Variants in CEP126 observed in about 807,000 individuals in gnomAD.
CEP126 encodes centrosomal protein 126.
Under a neutral mutation model 107.8 loss-of-function variants are expected in CEP126, and 74 were observed. The ratio of observed to expected loss-of-function variants is 0.69; its 90% CI spans 0.57 to 0.83. CEP126 has a LOEUF of 0.83. Ranked by LOEUF, CEP126 falls within the 40% of genes least tolerant of loss-of-function variation. CEP126 has a pLI of 0.00. For missense variants in CEP126, 1,237 were observed against 1,281.9 expected, an observed-to-expected ratio of 0.96 and a Z score of 0.53; for synonymous variants, 449 against 446.0, an observed-to-expected ratio of 1.01 and a Z score of -0.08.
intron 3 of CEP126, among the ~76,000 whole-genome samples, chr11:101,947,307 T>C (rs1358764499): frequency 7.9e-5 from 12 of 152,160 alleles, no homozygotes; most frequent in Admixed American, 7.2e-4. Flanking sequence ...GTATAGATAG[T>C]ATAGTATATT....
chr11:101,995,529 G>C (rs554142202), intron 10 of CEP126, among the ~76,000 whole-genome samples: 1 of 152,316 alleles, frequency 6.6e-6, no homozygotes, highest in African/African-American at 2.4e-5. Context: ...TGACAAACAA[G>C]AAAGTCACCT....
In CEP126 at chr11:101,963,067, A is replaced by G. The variant is rs1372873010; in HGVS notation, c.2032A>G (p.Thr678Ala). ...TGGAAGCAACATAATTAGTGTTTCT[A>G]CTTGTGCTGTAAATTCTGCTGATAC... ...GAGSNIISVS[T>A]CAVNSADTKK... Residue 678 changes from threonine to alanine, a missense_variant, in exon 6 of 11, where the codon ACT becomes GCT. Thr to Ala is a moderately conservative substitution (Grantham distance 58). This residue lies in a region of CEP126 where 1,134 missense variants were observed against 1,150.5 expected (regional missense o/e 0.99). Coordinates refer to ENST00000263468, the MANE Select transcript of CEP126 (RefSeq NM_020802.4). 6.2e-7 allele frequency: 1 copy of G among 1,614,132 alleles called. No homozygotes were observed. Among genetic ancestry groups the G allele is most frequent in the East Asian group, 2.2e-5 (1 of 44,864 alleles).
chr11:101,943,400 T>TA (rs1260434945), intron 2 of CEP126, among the ~76,000 whole-genome samples: 1 of 152,052 alleles, frequency 6.6e-6, no homozygotes, highest in African/African-American at 2.4e-5. Flanking sequence ...CCTATGGCAC[T>TA]AAAAATTCTA....
chr11:101,916,551 C>T (rs563531977), intron 1 of CEP126: 1 of 152,322 alleles, frequency 6.6e-6, no homozygotes, highest in Admixed American at 6.5e-5. Flanking sequence ...TTCAGTTTGG[C>T]TTTTGCCCTT....
chr11:101,924,074 A>G (rs1940371715), intron 2 of CEP126, among the ~76,000 whole-genome samples: 1 of 152,164 alleles, frequency 6.6e-6, no homozygotes, highest in South Asian at 2.1e-4. Flanking sequence ...TTCTATTTGT[A>G]TTCTCTCATC....
chr11:101,946,840 C>T lies in CEP126; in HGVS notation c.395-1191C>T, dbSNP rs549880361. ...TCGCACCACTGCACTCCAGCCTGAG[C>T]GACAGAGCAAGACTCTCAAAAAAAA... On this transcript the variant is annotated intron_variant, in intron 3 of 10. Coordinates refer to ENST00000263468, the MANE Select transcript of CEP126 (RefSeq NM_020802.4). Among the ~76,000 whole-genome samples the T allele has an allele frequency of 7.2e-5, 11 of 151,952 alleles. No individual in the cohort carries two copies. The South Asian group carries it at 8.3e-4, about 11-fold the overall frequency.
At chr11:101,970,999 A>G (rs952962655) in intron 6 of CEP126, among the ~76,000 whole-genome samples, 5 of 152,080 alleles carry the variant, frequency 3.3e-5, no homozygotes. Context: ...TTCTGAGACA[A>G]GGGTCTCACT....
chr11:101,922,598 C>G (rs1284888572), intron 1 of CEP126, 43 bp from the exon 2 acceptor site: 1 of 1,499,456 alleles, frequency 6.7e-7, no homozygotes, highest in Non-Finnish European at 9.2e-7. Context: ...CAGTCATCCA[C>G]TAAAGATGTA....
rs970101791 is a variant in CEP126, at chr11:101,954,713, CTA to C, written c.507-3453_507-3452del. On this transcript the variant is annotated intron_variant, in intron 4 of 10. Coordinates refer to ENST00000263468, the MANE Select transcript of CEP126 (RefSeq NM_020802.4). ...GTGTATACAATGTATAGTGAGAACA[CTA>C]TGATTTACTTATTAAAAAGTTAGAC... Among the ~76,000 whole-genome samples the C allele has an allele frequency of 8.1e-4, 123 of 151,978 alleles. 1 individual carries two copies. The highest frequency in any genetic ancestry group is 2.8e-3 in the African/African-American group (116 of 41,450).
chr11:101,969,380 G>C (rs1422274829), intron 6 of CEP126, among the ~76,000 whole-genome samples: 3 of 152,168 alleles, frequency 2.0e-5, no homozygotes, highest in Non-Finnish European at 4.4e-5. Context: ...AAGTATAATA[G>C]AGGATTTGCT....
At position 101,958,294 on chromosome 11, in the gene CEP126, C is replaced by G; in HGVS notation, c.633C>G (p.Ser211Arg). 6.2e-7 allele frequency: 1 copy of G among 1,613,952 alleles called. No homozygotes were observed. Among genetic ancestry groups the G allele is most frequent in the Non-Finnish European group, 8.5e-7 (1 of 1,179,912 alleles). The change falls in exon 5 of 11, where the codon AGC becomes AGG. Residue 211 changes from serine (S) to arginine (R), a missense_variant. Transcript: ENST00000263468. ...NENMRATLATSKNVFQLKLEE... is the reference protein window; with the variant it reads ...NENMRATLATRKNVFQLKLEE... The stretch of plus-strand genomic sequence containing the variant: ...ACATGAGGGCAACCTTGGCTACTAG[C>G]AAAAATGTGTTCCAGCTTAAACTGG...
chr11:101,958,042 A>C, intron 4 of CEP126, 126 bp from the exon 5 acceptor site: 1 of 769,826 alleles, frequency 1.3e-6, no homozygotes, highest in South Asian at 1.9e-5. Context: ...ATATTTCTCC[A>C]ATATCCTTAT....
At chr11:101,991,704 G>C (rs564131908) in intron 9 of CEP126, among the ~76,000 whole-genome samples, 1 of 152,182 alleles carries the variant, frequency 6.6e-6, no homozygotes, top group South Asian at 2.1e-4. Context: ...TTGAATATAG[G>C]TCAATAGAAA....
At position 101,963,037 on chromosome 11, in the gene CEP126, G is replaced by A. The variant is rs76022391; in HGVS notation, c.2002G>A (p.Gly668Ser). Residue 668 changes from glycine (G) to serine (S), a missense_variant, in exon 6 of 11, where the codon GGT becomes AGT. Physicochemically the swap from Gly to Ser is moderately conservative, Grantham distance 56. Around this residue, in one of 3 missense-constraint regions of CEP126, gnomAD observed 1,134 missense variants for 1,150.5 expected, o/e 0.99. Transcript: ENST00000263468. ...TTCTCAACAATTCCACATTCAAAGTGGTGCTGGAAGCAACATAATTAGTGT... is the reference window on the plus strand; with the variant it reads ...TTCTCAACAATTCCACATTCAAAGTAGTGCTGGAAGCAACATAATTAGTGT... ...QHSQQFHIQSGAGSNIISVST... is the reference protein window; with the variant it reads ...QHSQQFHIQSSAGSNIISVST... 4.2e-3 allele frequency: 6,858 copies of A among 1,614,028 alleles called. 161 individuals are homozygous for A. The highest frequency in any genetic ancestry group is 0.03 in the East Asian group (1,328 of 44,870).
intron 6 of CEP126, among the ~76,000 whole-genome samples, chr11:101,970,607 A>G (rs1941114816): frequency 6.6e-6 from 1 of 152,140 alleles, no homozygotes. Flanking sequence ...TTCAAAAAGA[A>G]TATTTTTTTC....
chr11:101,955,098 AT>A (rs1940867078), intron 4 of CEP126, among the ~76,000 whole-genome samples: 1 of 152,220 alleles, frequency 6.6e-6, no homozygotes, highest in Non-Finnish European at 1.5e-5. Flanking sequence ...GAGAAAAAAA[AT>A]ATATGATAAA....
At chr11:101,922,381 T>A (rs1297682722) in intron 1 of CEP126, among the ~76,000 whole-genome samples, 3 of 151,824 alleles carry the variant, frequency 2.0e-5, no homozygotes, top group Non-Finnish European at 4.4e-5. Flanking sequence ...GCCAGCCGGG[T>A]CTTGACCTAC....
rs1314425464 is a variant in CEP126, at chr11:101,915,103, G to A, written c.-182G>A. 4 of 857,956 alleles carry A rather than the reference G, an allele frequency of 4.7e-6. No individual in the cohort carries two copies. In the African/African-American group the frequency reaches 5.2e-5, roughly 11 times the overall value. The allele number at this position is 857,956 out of a possible 1,614,324, so 53.1% of individuals were successfully genotyped here. A position where few individuals can be genotyped will look rare whatever the true frequency, so the allele number is the denominator to read the frequency against. ...GGTCGCCGCTGCCTCAGCTGCCATC[G>A]CCGCTACAGGCACCAGTGCCGCTGC... is the stretch of plus-strand genomic sequence containing the variant. On this transcript the variant is annotated 5_prime_UTR_variant, in exon 1 of 11. Transcript: ENST00000263468.
At chr11:101,983,382 C>A (rs1279404057) in intron 8 of CEP126, among the ~76,000 whole-genome samples, 1 of 150,372 alleles carries the variant, frequency 6.7e-6, no homozygotes, top group Non-Finnish European at 1.5e-5. Flanking sequence ...GAAGTTAATG[C>A]AAAACATTAA....
Sources: allele counts gnomAD v4.1 joint callset (sites outside exome capture counted in the v4.1 genomes callset), GRCh38; gene constraint gnomAD v4.1.1; regional missense constraint gnomAD v4.1.1; transcripts MANE v1.5; gene names NCBI Gene and HGNC (gene_info 2026-07-23, HGNC 2026-07-21).